The following COL14A1 variants were observed in gnomAD, a reference collection of about 807,000 sequenced individuals.
COL14A1 encodes collagen type XIV alpha 1 chain.
In COL14A1, 136 loss-of-function variants were observed where a neutral mutation model predicts 230.3. The observed-to-expected ratio is 0.59, with a 90% confidence interval of 0.51 to 0.68. COL14A1 has a LOEUF of 0.68. Ranked by LOEUF, COL14A1 falls within the 30% of genes least tolerant of loss-of-function variation. The probability of loss-of-function intolerance (pLI) is 0.00; values close to 1 mark genes in which losing one functional copy is unlikely to be tolerated. For synonymous variants in COL14A1, 792 were observed against 784.1 expected, an observed-to-expected ratio of 1.01 and a Z score of -0.17; for missense variants, 1,976 against 2,215.8, an observed-to-expected ratio of 0.89 and a Z score of 2.17.
chr8:120,247,984 T>C (rs1230341420), intron 21 of COL14A1, among the ~76,000 whole-genome samples: 1 of 152,140 alleles, frequency 6.6e-6, no homozygotes, highest in Non-Finnish European at 1.5e-5. Context: ...AGACTATATA[T>C]TGGGTATATA....
intron 23 of COL14A1, among the ~76,000 whole-genome samples, chr8:120,256,900 G>T (rs1445138750): frequency 6.6e-6 from 1 of 152,104 alleles, no homozygotes; most frequent in Non-Finnish European, 1.5e-5. Context: ...GAAGGAACGT[G>T]GGTTCCTGTG....
At chr8:120,279,008 G>A (rs1374759774) in intron 28 of COL14A1, among the ~76,000 whole-genome samples, 1 of 152,056 alleles carries the variant, frequency 6.6e-6, no homozygotes, top group Non-Finnish European at 1.5e-5. Context: ...CAGGGAAATG[G>A]ATGAAGCTGG....
intron 2 of COL14A1, among the ~76,000 whole-genome samples, chr8:120,150,528 A>G (rs1218540043): frequency 6.6e-6 from 1 of 152,182 alleles, no homozygotes; most frequent in Non-Finnish European, 1.5e-5. Flanking sequence ...CTGAGCAGAT[A>G]GGGTCTTTCA....
intron 19 of COL14A1, among the ~76,000 whole-genome samples, chr8:120,238,213 C>T (rs1158272825): frequency 6.6e-6 from 1 of 152,158 alleles, no homozygotes; most frequent in Non-Finnish European, 1.5e-5. Context: ...CCACAGCCAC[C>T]CCTTCCCCCA....
At chr8:120,367,773 C>CAAAA (rs111378344) in intron 46 of COL14A1, among the ~76,000 whole-genome samples, 10 of 139,664 alleles carry the variant, frequency 7.2e-5, no homozygotes, top group African/African-American at 2.4e-4. Context: ...CCATTTCTAC[C>CAAAA]AAAAAAAAAA....
chr8:120,216,618 C>T, intron 14 of COL14A1, 128 bp downstream of exon 14: 1 of 992,322 alleles, frequency 1.0e-6, no homozygotes, highest in South Asian at 2.1e-5. Context: ...CGCATAGTTC[C>T]TGTATGTAGG....
chr8:120,259,560 C>A lies in COL14A1; in HGVS notation c.2870-3308C>A, dbSNP rs548740586. Reference sequence around the variant, plus strand: ...TGGATACACCCCCATTCATGGAACCCCTCTTTGTTAGTATTGGGAACCAAA... The same window carrying A: ...TGGATACACCCCCATTCATGGAACCACTCTTTGTTAGTATTGGGAACCAAA... On this transcript the variant is annotated intron_variant, in intron 23 of 47. Transcript: ENST00000297848. Among the ~76,000 whole-genome samples, 9 of 152,240 alleles carry A rather than the reference C, an allele frequency of 5.9e-5. No individual in the cohort carries two copies. In the East Asian group the frequency reaches 1.7e-3, roughly 29 times the overall value.
In COL14A1 at chr8:120,160,521, A is replaced by G. The variant is rs527722712; in HGVS notation, c.206-1905A>G. ...CTTGAAGAGTGCACCCAAGAAGTAG[A>G]TGTCTAGTTCTTGCTTAGACATCTC... On this transcript the variant is annotated intron_variant, in intron 3 of 47. Transcript: ENST00000297848. Among the ~76,000 whole-genome samples the G allele has an allele frequency of 8.5e-5, 13 of 152,276 alleles. No homozygotes were observed. The East Asian group carries it at 2.5e-3, about 29-fold the overall frequency.
intron 40 of COL14A1, among the ~76,000 whole-genome samples, chr8:120,325,742 C>G (rs1289005878): frequency 6.6e-6 from 1 of 152,164 alleles, no homozygotes; most frequent in Non-Finnish European, 1.5e-5. Context: ...ATCCACCCTC[C>G]TTGGCCTCCC....
At chr8:120,202,989 A>AATATATATATGTAT (rs1817300603) in intron 8 of COL14A1, among the ~76,000 whole-genome samples, 1 of 106,554 alleles carries the variant, frequency 9.4e-6, no homozygotes, top group African/African-American at 3.2e-5. Flanking sequence ...AATAATTTCA[A>AATATATATATGTAT]ATATATATAT....
At chr8:120,143,863 TATC>T (rs922923598) in intron 1 of COL14A1, among the ~76,000 whole-genome samples, 5 of 151,946 alleles carry the variant, frequency 3.3e-5, no homozygotes, top group Non-Finnish European at 7.4e-5. Context: ...TGACTTAAAA[TATC>T]ATTGTAATAA....
At chr8:120,199,235 G>A (rs1228014771) in intron 7 of COL14A1, among the ~76,000 whole-genome samples, 167 bp from the exon 8 acceptor site, 1 of 152,112 alleles carries the variant, frequency 6.6e-6, no homozygotes. Flanking sequence ...GTGGATTTTA[G>A]TTCCTTGTTG....
intron 46 of COL14A1, among the ~76,000 whole-genome samples, chr8:120,367,819 C>A (rs1412975211): frequency 6.6e-6 from 1 of 151,678 alleles, no homozygotes; most frequent in African/African-American, 2.4e-5. Context: ...GTGGCATGTG[C>A]TTGTAGTCCC....
chr8:120,131,838 CTTTTTTTTTTTTTT>C (rs1172286717), intron 1 of COL14A1, among the ~76,000 whole-genome samples: 1 of 68,950 alleles, frequency 1.5e-5, no homozygotes, highest in Non-Finnish European at 2.6e-5. Context: ...TTCTTCCTTT[CTTTTTTTTTTTTTT>C]TTTTTTTTTT....
chr8:120,341,231 A>G (rs1822284339), intron 42 of COL14A1, 94 bp from the exon 43 acceptor site: 2 of 1,301,636 alleles, frequency 1.5e-6, no homozygotes, highest in Non-Finnish European at 2.2e-6. Context: ...TGGTGCTAAG[A>G]AAAATGTCTT....
At chr8:120,166,228 T>C (rs1196603374) in intron 4 of COL14A1, among the ~76,000 whole-genome samples, 2 of 152,208 alleles carry the variant, frequency 1.3e-5, no homozygotes, top group Non-Finnish European at 2.9e-5. Context: ...AGCAGTTGTT[T>C]AAGGCAGATA....
At chr8:120,185,293 A>C (rs1816615523) in intron 5 of COL14A1, among the ~76,000 whole-genome samples, 1 of 152,218 alleles carries the variant, frequency 6.6e-6, no homozygotes, top group Non-Finnish European at 1.5e-5. Flanking sequence ...TTCTGTGAGG[A>C]CAACTTCCAT....
chr8:120,183,641 T>C (rs575056671), intron 5 of COL14A1, among the ~76,000 whole-genome samples: 14 of 152,322 alleles, frequency 9.2e-5, no homozygotes, highest in Admixed American at 2.6e-4. Context: ...ATGTGGTGTT[T>C]ACAGGATTGT....
At position 120,127,222 on chromosome 8, in the gene COL14A1, T is replaced by G. The variant is rs1239119263; in HGVS notation, c.-38+1882T>G. ...GCAAAATATTTTCAAGGTTCATCCA[T>G]GATGTACAGGCTATCTTTCTTATTC... On this transcript the variant is annotated intron_variant, in intron 1 of 47. Coordinates refer to ENST00000297848, the MANE Select transcript of COL14A1 (RefSeq NM_021110.4). Among the ~76,000 whole-genome samples, 3 of 152,242 alleles carry G rather than the reference T, an allele frequency of 2.0e-5. No individual in the cohort carries two copies. In the East Asian group the frequency reaches 5.8e-4, roughly 29 times the overall value.
Sources: gnomAD v4.1 joint callset for allele counts (sites outside exome capture counted in the v4.1 genomes callset) on GRCh38, gnomAD v4.1.1 for gene constraint, MANE v1.5 for transcripts, NCBI Gene and HGNC (gene_info 2026-07-23, HGNC 2026-07-21) for gene names.